Variants in MLH3 observed in about 807,000 individuals in gnomAD.
The protein encoded by MLH3 is mutL homolog 3.
MLH3 carries 82 observed loss-of-function variants against 122.2 expected under a neutral mutation model. The ratio of observed to expected loss-of-function variants is 0.67; its 90% confidence interval spans 0.56 to 0.81. The LOEUF is 0.81. Among genes scored for constraint, MLH3 ranks in the 30% least tolerant of loss-of-function variants. The pLI, the probability that MLH3 is intolerant of heterozygous loss-of-function variation, is 0.00. For synonymous variants in MLH3, 524 were observed against 599.5 expected (o/e 0.87, Z 1.84); for missense variants, 1,539 against 1,714.5 (o/e 0.90, Z 1.81).
At position 75,047,283 on chromosome 14, in the gene MLH3, C is replaced by T. The variant is rs764724825; in HGVS notation, c.2373G>A (p.Leu791=). Residue 791 remains leucine, a synonymous_variant, in exon 2 of 13, where the codon CTG becomes CTA. Coordinates refer to ENST00000355774, the MANE Select transcript of MLH3 (RefSeq NM_001040108.2). ...TCTCTAAGCGGTTCTTGTCCTTCAG[C>T]AGAATGTCAGGTTCAACTTGAAGAC... The part of the protein sequence containing the change: ...NLSLQVEPDI[L]LKDKNRLENS... 4.3e-5 allele frequency: 70 copies of T among 1,613,980 alleles called. No homozygotes were observed. In the Admixed American group the frequency reaches 1.1e-3, roughly 27 times the overall value.
In MLH3 at chr14:75,047,758, G is replaced by C. The variant is rs569476938; in HGVS notation, c.1898C>G (p.Pro633Arg). 6.2e-7 allele frequency: 1 copy of C among 1,614,006 alleles called. No homozygotes were observed. Among genetic ancestry groups the C allele is most frequent in the Admixed American group, 1.7e-5 (1 of 60,012 alleles). ...TEHSFKNYVR[P>R]GPTRAQETFG... ...TGTTTCTTGGGCACGTGTGGGACCA[G>C]GTCTAACATAATTTTTAAATGAATG... is the stretch of plus-strand genomic sequence containing the variant. The change falls in exon 2 of 13, where the codon CCT (proline) becomes CGT (arginine). Residue 633 changes from proline (P) to arginine (R), a missense_variant. Transcript: ENST00000355774.
rs572187930 is a variant in MLH3 at position 75,014,177 on chromosome 14, A to G, written c.*2905T>C. ...GCGTGGCTTCCTCAGCCCCCTCCACATCTCAAGAACGTGGCCTTGGGCCCC... is the reference window on the plus strand; with the variant it reads ...GCGTGGCTTCCTCAGCCCCCTCCACGTCTCAAGAACGTGGCCTTGGGCCCC... On this transcript the variant is annotated 3_prime_UTR_variant, in exon 13 of 13. Transcript: ENST00000355774. The G allele has an allele frequency of 5.8e-6, 1 of 172,466 alleles. No homozygotes were observed. The highest frequency in any genetic ancestry group is 6.3e-5 in the Admixed American group (1 of 15,750). 10.7% of individuals were successfully genotyped at this position (172,466 alleles called of 1,614,324 possible). A position where few individuals can be genotyped will look rare whatever the true frequency, so the allele number is the denominator to read the frequency against.
Position 75,047,315 on chromosome 14 carries a change from T to A in MLH3, c.2341A>T (p.Asn781Tyr). The A allele has an allele frequency of 6.2e-7, 1 of 1,614,158 alleles. No individual in the cohort carries two copies. The highest frequency in any genetic ancestry group is 1.1e-5 in the South Asian group (1 of 91,082). Reference protein sequence around the residue: ...EVEESNGVTTNLSLQVEPDIL... With the variant: ...EVEESNGVTTYLSLQVEPDIL... ...TCAGGTTCAACTTGAAGACTGAGAT[T>A]GGTAGTGACTCCATTACTTTCCTCT... Residue 781 changes from asparagine to tyrosine, a missense_variant, in exon 2 of 13, where the codon AAT (asparagine) becomes TAT (tyrosine). Physicochemically the swap from Asn to Tyr is moderately radical, Grantham distance 143. Transcript: ENST00000355774.
intron 9 of MLH3, among the ~76,000 whole-genome samples, chr14:75,028,802 T>C (rs1877944989): frequency 1.3e-5 from 2 of 152,102 alleles, no homozygotes; most frequent in South Asian, 2.1e-4. Context: ...AACACATATT[T>C]TGTGTGTTGT....
At position 75,018,991 on chromosome 14, in the gene MLH3, G is replaced by C. The variant is rs2139298230; in HGVS notation, c.4091-11C>G. ...TAAACTTAATGGCCCCTAAATGAAAGACAGAAACAAGAAGGTTATAGTGTA... is the reference window on the plus strand; with the variant it reads ...TAAACTTAATGGCCCCTAAATGAAACACAGAAACAAGAAGGTTATAGTGTA... On this transcript the variant is annotated splice_polypyrimidine_tract_variant and intron_variant, in intron 11 of 12. Coordinates refer to ENST00000355774, the MANE Select transcript of MLH3 (RefSeq NM_001040108.2). 1.2e-6 allele frequency: 2 copies of C among 1,613,814 alleles called. No homozygotes were observed. Among genetic ancestry groups the C allele is most frequent in the Non-Finnish European group, 1.7e-6 (2 of 1,179,714 alleles).
chr14:75,030,391 G>T, intron 9 of MLH3, 152 bp downstream of exon 9: 2 of 810,012 alleles, frequency 2.5e-6, no homozygotes, highest in Non-Finnish European at 4.3e-6. Flanking sequence ...CTTATTTTGA[G>T]CTAACTCATC....
rs752537481 is a variant in MLH3 at position 75,017,052 on chromosome 14, T to C, written c.*30A>G. On this transcript the variant is annotated 3_prime_UTR_variant, in exon 13 of 13. Coordinates refer to ENST00000355774, the MANE Select transcript of MLH3 (RefSeq NM_001040108.2). Reference sequence around the variant, plus strand: ...CTCAGAGGCATACAGTGAACATCCCTTTGTTCCTTTTAGACCAGTGATTCT... The same window carrying C: ...CTCAGAGGCATACAGTGAACATCCCCTTGTTCCTTTTAGACCAGTGATTCT... 6.2e-7 allele frequency: 1 copy of C among 1,611,588 alleles called. No individual in the cohort carries two copies. Among genetic ancestry groups the C allele is most frequent in the South Asian group, 1.1e-5 (1 of 90,992 alleles).
intron 1 of MLH3, among the ~76,000 whole-genome samples, chr14:75,050,200 A>G (rs753566637): frequency 1.3e-5 from 2 of 152,260 alleles, no homozygotes; most frequent in Non-Finnish European, 2.9e-5. Context: ...AGCAATAGGA[A>G]GAAATTTTAA....
chr14:75,035,543 A>G (rs1358769941), intron 6 of MLH3, among the ~76,000 whole-genome samples: 1 of 152,140 alleles, frequency 6.6e-6, no homozygotes, highest in Non-Finnish European at 1.5e-5. Context: ...ACAACAAAAA[A>G]CTATTACTTT....
chr14:75,021,487 A>C (rs1890277899), intron 11 of MLH3, among the ~76,000 whole-genome samples: 1 of 152,172 alleles, frequency 6.6e-6, no homozygotes, highest in African/African-American at 2.4e-5. Context: ...ACAAGCAAAA[A>C]CCAAAAAACC....
intron 7 of MLH3, among the ~76,000 whole-genome samples, chr14:75,032,615 C>G (rs1348290533): frequency 2.0e-5 from 3 of 151,962 alleles, no homozygotes; most frequent in African/African-American, 7.2e-5. Flanking sequence ...GTAAGTTTTT[C>G]TAACACTGTT....
At position 75,015,321 on chromosome 14, in the gene MLH3, C is replaced by T. The variant is rs936959599; in HGVS notation, c.*1761G>A. ...TCAGGCTAGTCAGGAAGGCCGGTTA[C>T]ATAATTTATGGAGGACTTTTTCTAA... On this transcript the variant is annotated 3_prime_UTR_variant, in exon 13 of 13. Coordinates refer to ENST00000355774, the MANE Select transcript of MLH3 (RefSeq NM_001040108.2). 3.4e-5 allele frequency: 6 copies of T among 176,956 alleles called. 1 individual carries two copies. The highest frequency in any genetic ancestry group is 1.4e-4 in the African/African-American group (6 of 42,358). 11.0% of individuals were successfully genotyped at this position (176,956 alleles called of 1,614,324 possible).
In MLH3 at chr14:75,047,441, G is replaced by C; in HGVS notation, c.2215C>G (p.Pro739Ala). ...AAGCTTAGCTTCTTACGGACGATTG[G>C]TTTGGAGAAACCAATTAATTTATCT... is the stretch of plus-strand genomic sequence containing the variant. ...KTDKLIGFSK[P>A]IVRKKLSLSS... Residue 739 changes from proline to alanine, a missense_variant, in exon 2 of 13, where the codon CCA (proline) becomes GCA (alanine). Coordinates refer to ENST00000355774, the MANE Select transcript of MLH3 (RefSeq NM_001040108.2). 1 of 1,614,080 alleles carries C rather than the reference G, an allele frequency of 6.2e-7. No individual in the cohort carries two copies. Among genetic ancestry groups the C allele is most frequent in the South Asian group, 1.1e-5 (1 of 91,080 alleles).
At chr14:75,049,756 GC>G in intron 1 of MLH3, 38 bp from the exon 2 acceptor site, 1 of 1,156,030 alleles carries the variant, frequency 8.7e-7, no homozygotes, top group Non-Finnish European at 1.3e-6. Context: ...CATAATCAAA[GC>G]TTTAGCATTA....
At position 75,048,398 on chromosome 14, in the gene MLH3, C is replaced by A; in HGVS notation, c.1258G>T (p.Val420Leu). The A allele has an allele frequency of 6.2e-7, 1 of 1,609,028 alleles. No homozygotes were observed. The highest frequency in any genetic ancestry group is 2.2e-5 in the East Asian group (1 of 44,844). The change falls in exon 2 of 13, where the codon GTA becomes TTA. Residue 420 changes from valine to leucine, a missense_variant. Val to Leu is a conservative substitution (Grantham distance 32). Coordinates refer to ENST00000355774, the MANE Select transcript of MLH3 (RefSeq NM_001040108.2). ...GAATCCCTAGAACTCTGTGTGTTTA[C>A]GTTTTCTGCAGTAGTTTTTCTTTTC... ...AVKRKTTAEN[V>L]NTQSSRDSEA...
intron 6 of MLH3, among the ~76,000 whole-genome samples, chr14:75,037,760 C>T (rs1224841155): frequency 1.3e-5 from 2 of 151,884 alleles, no homozygotes; most frequent in Admixed American, 1.3e-4. Flanking sequence ...CGAGACCTAC[C>T]TGGGCAATAT....
At chr14:75,028,753 G>A (rs558095697) in intron 9 of MLH3, among the ~76,000 whole-genome samples, 3 of 151,670 alleles carry the variant, frequency 2.0e-5, no homozygotes, top group Admixed American at 6.6e-5. Flanking sequence ...ATAGCCTAAC[G>A]TTGATCAGAA....
chr14:75,044,397 C>T (rs1432601091), intron 2 of MLH3, among the ~76,000 whole-genome samples: 2 of 152,094 alleles, frequency 1.3e-5, no homozygotes, highest in Non-Finnish European at 2.9e-5. Flanking sequence ...CTAAGATTTC[C>T]CCCTTTCTTT....
intron 11 of MLH3, among the ~76,000 whole-genome samples, chr14:75,020,498 T>C (rs1890204991): frequency 6.6e-6 from 1 of 152,122 alleles, no homozygotes; most frequent in African/African-American, 2.4e-5. Flanking sequence ...CGAAGATACA[T>C]TTTGAAGGTG....
Sources: allele counts gnomAD v4.1 joint callset (sites outside exome capture counted in the v4.1 genomes callset), GRCh38; gene constraint gnomAD v4.1.1; transcripts MANE v1.5; gene names NCBI Gene and HGNC (gene_info 2026-07-23, HGNC 2026-07-21).